ARHGAP17: variants seen among roughly 807,000 people sequenced by gnomAD.
ARHGAP17 encodes Rho GTPase activating protein 17.
Under a neutral mutation model 99.5 loss-of-function variants are expected in ARHGAP17, and 57 were observed. The observed-to-expected ratio is 0.57, with a 90% CI of 0.46 to 0.71. ARHGAP17 has a LOEUF of 0.71. ARHGAP17 is among the 30% of genes least tolerant of loss of function. The probability of loss-of-function intolerance (pLI) is 0.00; values close to 1 mark genes in which losing one functional copy is unlikely to be tolerated. For missense variants in ARHGAP17, 1,000 were observed against 1,122.4 expected (o/e 0.89, Z 1.56); for synonymous variants, 417 against 429.6 (o/e 0.97, Z 0.36).
chr16:24,992,336 T>G lies in ARHGAP17; in HGVS notation c.54-13331A>C, dbSNP rs571235753. Reference sequence around the variant, plus strand: ...CAATGACACATAGCTATTTTTTCTTTTTCTTTTTCTTTTTTTTGGAGACAG... The same window carrying G: ...CAATGACACATAGCTATTTTTTCTTGTTCTTTTTCTTTTTTTTGGAGACAG... On this transcript the variant is annotated intron_variant, in intron 1 of 19. Coordinates refer to ENST00000289968, the MANE Select transcript of ARHGAP17 (RefSeq NM_001006634.3). 1.2e-4 allele frequency among the ~76,000 whole-genome samples: 18 copies of G among 152,226 alleles called. No homozygotes were observed. In the East Asian group the frequency reaches 3.5e-3, roughly 29 times the overall value.
chr16:24,988,694 T>G (rs2052946585), intron 1 of ARHGAP17, among the ~76,000 whole-genome samples: 2 of 152,224 alleles, frequency 1.3e-5, no homozygotes, highest in South Asian at 4.1e-4. Context: ...CAGCGTTTTG[T>G]TCGGTCAGTT....
At chr16:24,968,637 C>T (rs779269522) in intron 5 of ARHGAP17, 24 bp downstream of exon 5, 40 of 1,611,732 alleles carry the variant, frequency 2.5e-5, no homozygotes, top group South Asian at 1.1e-4. Flanking sequence ...TCGGCTCTTC[C>T]GTGCTGCACG....
chr16:24,934,983 T>C (rs928361652), intron 18 of ARHGAP17, among the ~76,000 whole-genome samples: 1 of 151,492 alleles, frequency 6.6e-6, no homozygotes, highest in Non-Finnish European at 1.5e-5. Context: ...CACTGAAGAG[T>C]TTAACCAAGA....
At chr16:24,950,007 C>T (rs528153817) in intron 12 of ARHGAP17, among the ~76,000 whole-genome samples, 3 of 152,074 alleles carry the variant, frequency 2.0e-5, no homozygotes, top group Admixed American at 6.5e-5. Context: ...ACAGGCGCAA[C>T]GTACAAACTT....
At chr16:24,934,048 A>ATG (rs2051068013) in intron 18 of ARHGAP17, among the ~76,000 whole-genome samples, 1 of 152,206 alleles carries the variant, frequency 6.6e-6, no homozygotes, top group African/African-American at 2.4e-5. Flanking sequence ...TCTGCAACCA[A>ATG]GCAGTGGACT....
At chr16:24,961,911 T>TTAGGAATTTTATATATA (rs147868119) in intron 7 of ARHGAP17, among the ~76,000 whole-genome samples, 2,835 of 129,900 alleles carry the variant, frequency 0.022, 69 homozygotes, top group South Asian at 0.096. Flanking sequence ...CATAGGAATT[T>TTAGGAATTTTATATATA]TATATATATA....
At chr16:24,927,637 C>A (rs1567730325) in intron 19 of ARHGAP17, 9 of 1,057,082 alleles carry the variant, frequency 8.5e-6, no homozygotes, top group African/African-American at 1.7e-5. Context: ...CAAATATGAT[C>A]ATCAAGTAGC....
intron 7 of ARHGAP17, 82 bp downstream of exon 7, chr16:24,964,115 A>T: frequency 1.1e-6 from 1 of 917,824 alleles, no homozygotes; most frequent in South Asian, 2.1e-5. Flanking sequence ...AAATTATTTA[A>T]AACATTAAGT....
intron 9 of ARHGAP17, 150 bp from the exon 10 acceptor site, chr16:24,954,880 T>C (rs1567228084): frequency 2.6e-6 from 3 of 1,166,166 alleles, no homozygotes; most frequent in South Asian, 3.1e-5. Context: ...CTTTTGTTAT[T>C]TGCCATCTAC....
Position 24,952,984 on chromosome 16 carries a change from T to A in ARHGAP17, c.911A>T (p.Asp304Val). The change falls in exon 11 of 20, where the codon GAC becomes GTC. Residue 304 changes from aspartate (D) to valine (V), a missense_variant. Asp to Val is a radical substitution (Grantham distance 152). Transcript: ENST00000289968. ...CTCATCCAGGTGAGAAGTAGAACAG[T>A]CCAAAGCAGCTTTCAGCTTCTTTAA... is the stretch of plus-strand genomic sequence containing the variant. ...SKLKKLKAALDCSTSHLDEFY... is the reference protein window; with the variant it reads ...SKLKKLKAALVCSTSHLDEFY... 1 of 1,614,168 alleles carries A rather than the reference T, an allele frequency of 6.2e-7. No homozygotes were observed. The highest frequency in any genetic ancestry group is 8.5e-7 in the Non-Finnish European group (1 of 1,180,032).
In ARHGAP17 at chr16:24,998,632, C is replaced by T. The variant is rs78486001; in HGVS notation, c.53+16577G>A. ...AAACGGGACAGAAAACTAAGCCAAG[C>T]GCTGGACGGCAGCATTCATTCAGCC... On this transcript the variant is annotated intron_variant, in intron 1 of 19. Coordinates refer to ENST00000289968, the MANE Select transcript of ARHGAP17 (RefSeq NM_001006634.3). 1.2e-4 allele frequency among the ~76,000 whole-genome samples: 19 copies of T among 152,296 alleles called. 1 individual carries two copies. In the East Asian group the frequency reaches 2.7e-3, roughly 22 times the overall value.
intron 9 of ARHGAP17, chr16:24,957,593 C>T (rs2051847383): frequency 6.6e-6 from 1 of 152,290 alleles, no homozygotes; most frequent in Admixed American, 6.5e-5. Flanking sequence ...AGGGACGGCC[C>T]ATGCCGGGTC....
At chr16:24,942,172 G>A in intron 15 of ARHGAP17, 29 bp from the exon 16 acceptor site, 1 of 1,583,526 alleles carries the variant, frequency 6.3e-7, no homozygotes, top group South Asian at 1.2e-5. Context: ...ACAAGTGCAT[G>A]AGACACTGAG....
intron 1 of ARHGAP17, among the ~76,000 whole-genome samples, chr16:24,994,100 C>T (rs1052956750): frequency 6.6e-6 from 1 of 152,068 alleles, no homozygotes; most frequent in African/African-American, 2.4e-5. Flanking sequence ...CCATGCTTAG[C>T]GTGGTGCACA....
At chr16:24,939,708 C>G in intron 16 of ARHGAP17, 111 bp from the exon 17 acceptor site, 1 of 1,182,660 alleles carries the variant, frequency 8.5e-7, no homozygotes, top group Non-Finnish European at 1.2e-6. Context: ...CCCAAGCTGC[C>G]CGGCATGCAG....
intron 1 of ARHGAP17, among the ~76,000 whole-genome samples, chr16:24,995,721 G>A (rs779738913): frequency 6.6e-6 from 1 of 152,152 alleles, no homozygotes; most frequent in Non-Finnish European, 1.5e-5. Flanking sequence ...CGGAAAACAC[G>A]GAAAGGAACT....
At chr16:24,934,189 C>T (rs1322493427) in intron 18 of ARHGAP17, among the ~76,000 whole-genome samples, 1 of 152,180 alleles carries the variant, frequency 6.6e-6, no homozygotes, top group Non-Finnish European at 1.5e-5. Flanking sequence ...GGGACAGAGT[C>T]TTGCTCTGTT....
At chr16:24,980,692 C>A (rs1028668627) in intron 1 of ARHGAP17, among the ~76,000 whole-genome samples, 1 of 152,208 alleles carries the variant, frequency 6.6e-6, no homozygotes, top group Non-Finnish European at 1.5e-5. Context: ...CTAGCAAGAA[C>A]ACACCTGGCA....
chr16:25,008,710 G>C (rs934549733), intron 1 of ARHGAP17, among the ~76,000 whole-genome samples: 1 of 152,164 alleles, frequency 6.6e-6, no homozygotes, highest in Non-Finnish European at 1.5e-5. Context: ...TGCTACAAAG[G>C]CAATTCCATA....
Sources: allele counts gnomAD v4.1 joint callset (sites outside exome capture counted in the v4.1 genomes callset), GRCh38; gene constraint gnomAD v4.1.1; transcripts MANE v1.5; gene names NCBI Gene and HGNC (gene_info 2026-07-23, HGNC 2026-07-21).